The following RREB1 variants were observed in gnomAD, a reference collection of about 807,000 sequenced individuals.
RREB1 encodes ras responsive element binding protein 1, also known as ras-responsive element-binding protein 1.
Under a neutral mutation model 117.8 loss-of-function variants are expected in RREB1, and 27 were observed. The observed-to-expected ratio is 0.23, with a 90% confidence interval of 0.17 to 0.32. The LOEUF (loss-of-function observed/expected upper bound fraction) is 0.32, where lower values mean the gene tolerates loss of function less well. Among genes scored for constraint, RREB1 ranks in the 10% least tolerant of loss-of-function variants. RREB1 has a pLI of 1.00. For synonymous variants in RREB1, 1,298 were observed against 1,026.7 expected (o/e 1.26, Z -5.05); for missense variants, 2,577 against 2,378.2 (o/e 1.08, Z -1.74).
chr6:7,170,133 T>C (rs1006112852), intron 1 of RREB1, among the ~76,000 whole-genome samples: 2 of 152,206 alleles, frequency 1.3e-5, no homozygotes, highest in Admixed American at 6.5e-5. Context: ...CAGTAGCTTG[T>C]GTTATTTCTA....
At chr6:7,176,857 C>T (rs1378889401) in intron 2 of RREB1, 84 bp downstream of exon 2, 1 of 152,598 alleles carries the variant, frequency 6.6e-6, no homozygotes, top group Non-Finnish European at 1.5e-5. Context: ...CTACCCTCCC[C>T]TACCTCCCGT....
intron 1 of RREB1, among the ~76,000 whole-genome samples, chr6:7,160,151 C>CCCTCTG (rs1763579260): frequency 6.6e-6 from 1 of 150,876 alleles, no homozygotes; most frequent in Non-Finnish European, 1.5e-5. Flanking sequence ...GACAGGTTTT[C>CCCTCTG]CCTCTGCCAC....
At chr6:7,206,294 G>A (rs1766268461) in intron 6 of RREB1, among the ~76,000 whole-genome samples, 1 of 152,194 alleles carries the variant, frequency 6.6e-6, no homozygotes, top group African/African-American at 2.4e-5. Flanking sequence ...TCCCTTCAGT[G>A]TGGCACTGTT....
chr6:7,173,779 G>A (rs1216915771), intron 1 of RREB1, among the ~76,000 whole-genome samples: 30 of 150,166 alleles, frequency 2.0e-4, no homozygotes, highest in African/African-American at 6.6e-4. Context: ...CAGCCTTGGC[G>A]ACAGAAAAAA....
Position 7,230,358 on chromosome 6 carries a change from C to T in RREB1, c.2259C>T (p.Thr753=). The T allele has an allele frequency of 2.5e-6, 4 of 1,591,634 alleles. No homozygotes were observed. The highest frequency in any genetic ancestry group is 1.3e-5 in the African/African-American group (1 of 74,912). ...TGGACGCCTTCTGCGCCCCGGACAC[C>T]GTGTGCCGGCTGTGCGGCGAGGACC... The part of the protein sequence containing the change: ...ELVDAFCAPD[T]VCRLCGEDLK... Residue 753 remains threonine, a synonymous_variant, in exon 10 of 13, where the codon ACC becomes ACT. Coordinates refer to ENST00000379938, the MANE Select transcript of RREB1 (RefSeq NM_001003699.4).
intron 1 of RREB1, among the ~76,000 whole-genome samples, chr6:7,174,507 A>G (rs1764405310): frequency 6.6e-6 from 1 of 152,130 alleles, no homozygotes; most frequent in South Asian, 2.1e-4. Flanking sequence ...AATAAAATGA[A>G]ATGAAGGGGA....
intron 1 of RREB1, among the ~76,000 whole-genome samples, chr6:7,118,682 G>T (rs1464693762): frequency 1.3e-5 from 2 of 151,882 alleles, no homozygotes; most frequent in African/African-American, 4.8e-5. Flanking sequence ...TTGTTCAAAA[G>T]CTTAATAAGG....
intron 4 of RREB1, chr6:7,183,651 A>C (rs1399425744): frequency 1.3e-5 from 2 of 151,948 alleles, no homozygotes; most frequent in Admixed American, 6.6e-5. Context: ...GTGAGGAGGC[A>C]ACTGTGCAGG....
At chr6:7,208,016 T>C (rs764427332) in intron 6 of RREB1, among the ~76,000 whole-genome samples, 2 of 152,180 alleles carry the variant, frequency 1.3e-5, no homozygotes, top group East Asian at 3.8e-4. Flanking sequence ...AGAGGGACTT[T>C]CTATGCAGAG....
At chr6:7,126,813 T>C (rs1423112494) in intron 1 of RREB1, among the ~76,000 whole-genome samples, 1 of 152,188 alleles carries the variant, frequency 6.6e-6, no homozygotes, top group Non-Finnish European at 1.5e-5. Flanking sequence ...TTCTTGACAC[T>C]TGCCCTGGGT....
In RREB1 at chr6:7,222,386, T is replaced by C. The variant is rs558077299; in HGVS notation, c.708-4081T>C. 7.2e-5 allele frequency among the ~76,000 whole-genome samples: 11 copies of C among 152,232 alleles called. No homozygotes were observed. The East Asian group carries it at 2.1e-3, about 29-fold the overall frequency. On this transcript the variant is annotated intron_variant, in intron 8 of 12. Coordinates refer to ENST00000379938, the MANE Select transcript of RREB1 (RefSeq NM_001003699.4). ...ACATAGCCGGCAGCTGAAGTGCACA[T>C]GGAAATAAGTTGTCCAAGGTCACGC...
chr6:7,183,226 C>T (rs999004002), intron 4 of RREB1: 3 of 152,184 alleles, frequency 2.0e-5, no homozygotes, highest in African/African-American at 7.2e-5. Flanking sequence ...CCCTTTTCTC[C>T]TTGTGCCTCT....
rs1769106348 is a variant in RREB1, at chr6:7,246,958, C to T, written c.4508C>T (p.Thr1503Ile). The change falls in exon 12 of 13, where the codon ACC becomes ATC. Residue 1503 changes from threonine (T) to isoleucine (I), a missense_variant. Physicochemically the swap from Thr to Ile is moderately conservative, Grantham distance 89. Transcript: ENST00000379938. ...GAACAGGAGGAGAAGCCCCCCGAGA[C>T]CCCGGCAGAGGTGGTGGAGTCGGCC... ...APEQEEKPPE[T>I]PAEVVESAPG... The T allele has an allele frequency of 1.9e-6, 3 of 1,567,416 alleles. No homozygotes were observed. Among genetic ancestry groups the T allele is most frequent in the East Asian group, 2.4e-5 (1 of 41,854 alleles).
chr6:7,152,545 T>C (rs1287598071), intron 1 of RREB1, among the ~76,000 whole-genome samples: 7 of 152,252 alleles, frequency 4.6e-5, no homozygotes, highest in African/African-American at 1.7e-4. Context: ...AGCTGAGCTA[T>C]AAATGTGACC....
intron 3 of RREB1, 149 bp from the exon 4 acceptor site, chr6:7,181,721 C>G: frequency 1.4e-6 from 1 of 699,134 alleles, no homozygotes; most frequent in South Asian, 1.6e-5. Context: ...TTCCATCACT[C>G]TGGGCGTGAA....
intron 1 of RREB1, among the ~76,000 whole-genome samples, chr6:7,140,309 A>T (rs1295770991): frequency 6.6e-6 from 1 of 152,192 alleles, no homozygotes; most frequent in Admixed American, 6.5e-5. Context: ...TCAAGGCCCT[A>T]TCAAAGACGT....
chr6:7,165,873 AGTTT>A (rs552271058), intron 1 of RREB1, among the ~76,000 whole-genome samples: 219 of 149,076 alleles, frequency 1.5e-3, no homozygotes, highest in Middle Eastern at 3.4e-3. Flanking sequence ...ATTTGGGGGG[AGTTT>A]GGGGGCTTGC....
rs1471839668 is a variant in RREB1, at chr6:7,162,624, C to A, written c.-284-14031C>A. 3.9e-5 allele frequency among the ~76,000 whole-genome samples: 6 copies of A among 152,208 alleles called. No individual in the cohort carries two copies. The South Asian group carries it at 1.0e-3, about 26-fold the overall frequency. On this transcript the variant is annotated intron_variant, in intron 1 of 12. Transcript: ENST00000379938. ...GATGTCTGAGGATGATCGTCATAAT[C>A]TCCCAGGTTTTCGCACAGATCCCAA...
In RREB1 at chr6:7,230,346, C is replaced by T. The variant is rs373472874; in HGVS notation, c.2247C>T (p.Cys749=). The T allele has an allele frequency of 2.5e-5, 40 of 1,590,322 alleles. No homozygotes were observed. The highest frequency in any genetic ancestry group is 1.9e-4 in the African/African-American group (14 of 74,902). The change falls in exon 10 of 13, where the codon TGC becomes TGT. Residue 749 remains cysteine, a synonymous_variant. Coordinates refer to ENST00000379938, the MANE Select transcript of RREB1 (RefSeq NM_001003699.4). ...CGGCCGAGCTGGTGGACGCCTTCTG[C>T]GCCCCGGACACCGTGTGCCGGCTGT... The part of the protein sequence containing the change: ...SSAAELVDAF[C]APDTVCRLCG...
Sources: allele counts gnomAD v4.1 joint callset (sites outside exome capture counted in the v4.1 genomes callset), GRCh38; gene constraint gnomAD v4.1.1; transcripts MANE v1.5; gene names NCBI Gene and HGNC (gene_info 2026-07-23, HGNC 2026-07-21).